Variants in NRXN3 observed in about 807,000 individuals in gnomAD.
NRXN3 encodes neurexin III.
A neutral mutation model predicts 137.6 loss-of-function variants in NRXN3; 32 were observed. The observed-to-expected ratio is 0.23, with a 90% CI of 0.18 to 0.31. The LOEUF (loss-of-function observed/expected upper bound fraction) is 0.31. Ranked by LOEUF, NRXN3 falls within the 10% of genes least tolerant of loss-of-function variation. The probability of loss-of-function intolerance (pLI) is 1.00; values close to 1 mark genes in which losing one functional copy is unlikely to be tolerated. For missense variants in NRXN3, 1,574 were observed against 2,062.5 expected, an observed-to-expected ratio of 0.76 and a Z score of 4.59; for synonymous variants, 798 against 784.5, an observed-to-expected ratio of 1.02 and a Z score of -0.29.
rs1354508782 is a variant in NRXN3 at position 79,865,791 on chromosome 14, C to G, written c.*3827C>G. 2 of 152,016 alleles carry G rather than the reference C, an allele frequency of 1.3e-5. No homozygotes were observed. The highest frequency in any genetic ancestry group is 3.9e-4 in the East Asian group (2 of 5,172). 9.4% of individuals were successfully genotyped at this position (152,016 alleles called of 1,614,324 possible). A position where few individuals can be genotyped will look rare whatever the true frequency, so the allele number is the denominator to read the frequency against. On this transcript the variant is annotated 3_prime_UTR_variant, in exon 21 of 21. Transcript: ENST00000335750. ...CAGGCATGGGCCACCACACCCAGCT[C>G]ATTTTTTAATTTATTTTTTATTTTT... is the stretch of plus-strand genomic sequence containing the variant.
chr14:78,273,380 CTCAGTCAATG>C (rs1455993460), intron 2 of NRXN3, among the ~76,000 whole-genome samples: 1 of 152,202 alleles, frequency 6.6e-6, no homozygotes, highest in African/African-American at 2.4e-5. Flanking sequence ...ATAGACAGCC[CTCAGTCAATG>C]TCAGCTGGTG....
At chr14:79,453,349 A>G (rs1309578115) in intron 15 of NRXN3, among the ~76,000 whole-genome samples, 1 of 151,964 alleles carries the variant, frequency 6.6e-6, no homozygotes, top group African/African-American at 2.4e-5. Flanking sequence ...TGTCATGTAT[A>G]TAATATAGAG....
At chr14:79,733,677 T>TG (rs1555674454) in intron 19 of NRXN3, among the ~76,000 whole-genome samples, 1 of 133,364 alleles carries the variant, frequency 7.5e-6, no homozygotes, top group African/African-American at 2.6e-5. Flanking sequence ...TGTTGTTGTT[T>TG]TTTTTTTTTT....
At chr14:78,764,723 C>T (rs187759235) in intron 8 of NRXN3, among the ~76,000 whole-genome samples, 1 of 152,056 alleles carries the variant, frequency 6.6e-6, no homozygotes, top group Non-Finnish European at 1.5e-5. Context: ...TGGTCATTTC[C>T]TGAATGTAAA....
At chr14:79,559,975 G>A (rs1048196305) in intron 16 of NRXN3, among the ~76,000 whole-genome samples, 1 of 152,012 alleles carries the variant, frequency 6.6e-6, no homozygotes, top group African/African-American at 2.4e-5. Flanking sequence ...TACAATTTGT[G>A]TGTGTGTGTG....
At chr14:78,747,016 A>T (rs934778625) in intron 8 of NRXN3, among the ~76,000 whole-genome samples, 2 of 152,066 alleles carry the variant, frequency 1.3e-5, no homozygotes, top group African/African-American at 4.8e-5. Flanking sequence ...ACTTGGGAGG[A>T]GTAGGTAAGC....
At chr14:79,763,995 A>T (rs2099047725) in intron 19 of NRXN3, among the ~76,000 whole-genome samples, 1 of 152,200 alleles carries the variant, frequency 6.6e-6, no homozygotes, top group African/African-American at 2.4e-5. Flanking sequence ...CTGAAAATGA[A>T]ATAACATTTA....
chr14:78,661,896 T>C (rs2097844927), intron 6 of NRXN3, among the ~76,000 whole-genome samples: 1 of 152,048 alleles, frequency 6.6e-6, no homozygotes. Context: ...GACAGTTTTT[T>C]TTTTTTTTTC....
intron 15 of NRXN3, among the ~76,000 whole-genome samples, chr14:79,365,823 T>C (rs1021405054): frequency 6.6e-6 from 1 of 150,948 alleles, no homozygotes; most frequent in Non-Finnish European, 1.5e-5. Context: ...CTTGAATATA[T>C]AGTTTTGTTT....
At chr14:79,434,451 G>A (rs973195095) in intron 15 of NRXN3, among the ~76,000 whole-genome samples, 2 of 152,210 alleles carry the variant, frequency 1.3e-5, no homozygotes, top group Admixed American at 1.3e-4. Context: ...GGTGAATAAT[G>A]TCAAGGCCTC....
intron 8 of NRXN3, among the ~76,000 whole-genome samples, chr14:78,791,684 A>T (rs1013235891): frequency 3.9e-5 from 6 of 152,154 alleles, no homozygotes; most frequent in African/African-American, 1.4e-4. Flanking sequence ...GAGCACATGG[A>T]TTCCCCTCCA....
intron 16 of NRXN3, among the ~76,000 whole-genome samples, chr14:79,567,664 A>T (rs1230148675): frequency 6.6e-6 from 1 of 151,942 alleles, no homozygotes; most frequent in Admixed American, 6.6e-5. Context: ...TTTGCTTTTC[A>T]TTTGGTTATT....
intron 15 of NRXN3, among the ~76,000 whole-genome samples, chr14:79,354,984 C>T (rs186187373): frequency 2.6e-5 from 4 of 152,028 alleles, no homozygotes; most frequent in Admixed American, 1.3e-4. Flanking sequence ...TATGATAATT[C>T]GACTTGCGGA....
intron 15 of NRXN3, among the ~76,000 whole-genome samples, chr14:79,407,014 G>A (rs1337804478): frequency 1.3e-5 from 2 of 152,100 alleles, no homozygotes; most frequent in Middle Eastern, 3.2e-3. Flanking sequence ...CTGAGTTTGA[G>A]CCTTGAATGT....
chr14:78,447,506 T>A (rs78936196), intron 4 of NRXN3, among the ~76,000 whole-genome samples: 1,702 of 152,276 alleles, frequency 0.011, 16 homozygotes, highest in Non-Finnish European at 0.015. Context: ...CTGGGGTGTG[T>A]TTCTAAGAGG....
chr14:79,742,423 C>G (rs2098966197), intron 19 of NRXN3, among the ~76,000 whole-genome samples: 1 of 152,012 alleles, frequency 6.6e-6, no homozygotes, highest in African/African-American at 2.4e-5. Context: ...TTAGACACCC[C>G]CTCCCTCCCT....
Position 78,742,239 on chromosome 14 carries a change from A to G in NRXN3, c.2044+27100A>G, listed in dbSNP as rs910004083. 3.3e-5 allele frequency among the ~76,000 whole-genome samples: 5 copies of G among 152,154 alleles called. No homozygotes were observed. The East Asian group carries it at 9.6e-4, about 29-fold the overall frequency. ...GACAGGCCAAGATGCCATGGGAGAA[A>G]ACACACACACAAGCCTACGTGCTTT... On this transcript the variant is annotated intron_variant, in intron 8 of 20. Transcript: ENST00000335750.
At chr14:79,853,845 T>C in intron 20 of NRXN3, 1 of 983,214 alleles carries the variant, frequency 1.0e-6, no homozygotes, top group Non-Finnish European at 1.2e-6. Flanking sequence ...TAGAATTTTT[T>C]GAAAGGCAAA....
rs1267386954 is a variant in NRXN3, at chr14:78,496,408, A to G, written c.758-148712A>G. Among the ~76,000 whole-genome samples, 4 of 152,274 alleles carry G rather than the reference A, an allele frequency of 2.6e-5. No individual in the cohort carries two copies. In the East Asian group the frequency reaches 5.8e-4, roughly 22 times the overall value. ...AAATATTTTCTTTTGAATTTGGAAG[A>G]CCACTTCTCTAAGAATGGAGAGTTA... is the stretch of plus-strand genomic sequence containing the variant. On this transcript the variant is annotated intron_variant, in intron 4 of 20. Coordinates refer to ENST00000335750, the MANE Select transcript of NRXN3 (RefSeq NM_001330195.2).
Sources: gnomAD v4.1 joint callset for allele counts (sites outside exome capture counted in the v4.1 genomes callset) on GRCh38, gnomAD v4.1.1 for gene constraint, MANE v1.5 for transcripts, NCBI Gene and HGNC (gene_info 2026-07-23, HGNC 2026-07-21) for gene names.